The following CLTRN variants were observed in gnomAD, a reference collection of about 807,000 sequenced individuals.
CLTRN encodes collectrin.
Under a neutral mutation model 14.5 loss-of-function variants are expected in CLTRN, and 12 were observed. That is an observed-to-expected ratio of 0.83 (90% CI 0.53 to 1.34). CLTRN has a LOEUF of 1.34. Ranked by LOEUF, CLTRN falls within the 40% of genes most tolerant of loss-of-function variation. The pLI, the probability that CLTRN is intolerant of heterozygous loss-of-function variation, is 0.00. For synonymous variants in CLTRN, 58 were observed against 56.5 expected, an observed-to-expected ratio of 1.03 and a Z score of -0.12; for missense variants, 154 against 165.1, an observed-to-expected ratio of 0.93 and a Z score of 0.37.
rs1315575777 is a variant in CLTRN at position 15,627,487 on chromosome X, T to C, written c.*484A>G. 1.8e-5 allele frequency: 2 copies of C among 112,454 alleles called. No individual in the cohort carries two copies. The highest frequency in any genetic ancestry group is 6.5e-5 in the African/African-American group (2 of 30,885). 9.3% of individuals were successfully genotyped at this position (112,454 alleles called of 1,213,427 possible). On this transcript the variant is annotated 3_prime_UTR_variant, in exon 6 of 6. Coordinates refer to ENST00000380342, the MANE Select transcript of CLTRN (RefSeq NM_020665.6). ...GATAAAATTCCACCCTGTATATGAG[T>C]AATTCCATTTTTATCCATCCATTTA... is the stretch of plus-strand genomic sequence containing the variant.
At chrX:15,651,451 A>G (rs1236848119) in intron 3 of CLTRN, among the ~76,000 whole-genome samples, 1 of 110,631 alleles carries the variant, frequency 9.0e-6, no homozygotes. Flanking sequence ...TCCATGCCCT[A>G]TGTGAGAATA....
chrX:15,630,336 G>C (rs1928660979), intron 5 of CLTRN, among the ~76,000 whole-genome samples: 2 of 106,943 alleles, frequency 1.9e-5, no homozygotes, highest in African/African-American at 6.9e-5. Flanking sequence ...GCCCTAGGTA[G>C]ACCTTGAACG....
chrX:15,668,299 TTACTC>T (rs1362104873), upstream of CLTRN, among the ~76,000 whole-genome samples: 4 of 112,008 alleles, frequency 3.6e-5, no homozygotes, highest in African/African-American at 9.7e-5. Context: ...GTCTTCTTCT[TTACTC>T]TAATAGGAAT....
chrX:15,673,243 A>G (rs1473170681), intron 1 of CLTRN, among the ~76,000 whole-genome samples: 1 of 112,702 alleles, frequency 8.9e-6, no homozygotes, highest in Non-Finnish European at 1.9e-5. Flanking sequence ...AATACTTGTT[A>G]TCTCCTGTTT....
At chrX:15,644,821 G>A in intron 4 of CLTRN, 95 bp downstream of exon 4, 1 of 527,147 alleles carries the variant, frequency 1.9e-6, no homozygotes, top group Non-Finnish European at 3.1e-6. Context: ...ATTCATGTAT[G>A]AAACAGATAA....
chrX:15,637,078 G>A (rs766297087), intron 5 of CLTRN, among the ~76,000 whole-genome samples: 13 of 110,956 alleles, frequency 1.2e-4, no homozygotes, highest in Non-Finnish European at 1.9e-4. Context: ...ATATATATAT[G>A]TGTGTTAGAT....
intron 3 of CLTRN, among the ~76,000 whole-genome samples, chrX:15,649,378 G>A (rs1419607496): frequency 8.9e-6 from 1 of 112,105 alleles, no homozygotes; most frequent in Non-Finnish European, 1.9e-5. Flanking sequence ...TAGAAATAAA[G>A]ATTTCCAAAA....
At chrX:15,655,781 G>GCA (rs1164977527) in intron 3 of CLTRN, among the ~76,000 whole-genome samples, 21 of 111,741 alleles carry the variant, frequency 1.9e-4, no homozygotes, top group Non-Finnish European at 3.6e-4. Flanking sequence ...CAACTTGACG[G>GCA]AGTCCTGAGA....
At chrX:15,672,396 T>C (rs764877594) in intron 1 of CLTRN, among the ~76,000 whole-genome samples, 1 of 110,266 alleles carries the variant, frequency 9.1e-6, no homozygotes, top group East Asian at 2.8e-4. Context: ...ATTGCAGCCA[T>C]GGTCTATGAA....
rs376408365 is a variant in CLTRN at position 15,639,602 on chromosome X, T to C, written c.472A>G (p.Ile158Val). The C allele has an allele frequency of 3.6e-5, 44 of 1,208,750 alleles. No homozygotes were observed. Among genetic ancestry groups the C allele is most frequent in the African/African-American group, 7.0e-5 (4 of 57,101 alleles). ...GVIFCIIIVA[I>V]ALLILSGIWQ... ...ATCCCTGATAAAATCAGTAGTGCAA[T>C]TGCAACTATGATGATGCAAAATATC... Residue 158 changes from isoleucine (I) to valine (V), a missense_variant, in exon 5 of 6, where the codon ATT (isoleucine) becomes GTT (valine). Physicochemically the swap from Ile to Val is conservative, Grantham distance 29. Transcript: ENST00000380342.
chrX:15,655,242 G>T (rs1265215290), intron 3 of CLTRN, among the ~76,000 whole-genome samples: 1 of 112,206 alleles, frequency 8.9e-6, no homozygotes, highest in East Asian at 2.8e-4. Context: ...ATGGGGGCGT[G>T]AGATAGATAA....
At chrX:15,662,737 C>T (rs184479744) in intron 2 of CLTRN, among the ~76,000 whole-genome samples, 52 of 111,629 alleles carry the variant, frequency 4.7e-4, no homozygotes, top group Middle Eastern at 4.6e-3. Flanking sequence ...AGAGCTCTTT[C>T]TAAAATCACC....
intron 3 of CLTRN, among the ~76,000 whole-genome samples, chrX:15,649,988 G>GT (rs1218716681): frequency 2.9e-5 from 3 of 105,253 alleles, no homozygotes; most frequent in East Asian, 5.9e-4. Context: ...TTAGAGCAGG[G>GT]TTTCTCAATA....
At chrX:15,640,709 A>G (rs762151401) in intron 4 of CLTRN, among the ~76,000 whole-genome samples, 19 of 113,097 alleles carry the variant, frequency 1.7e-4, no homozygotes, top group Admixed American at 9.3e-5. Context: ...AGTGGCTTCA[A>G]ATTCACCAAC....
chrX:15,628,056 C>A lies in CLTRN; in HGVS notation c.584G>T (p.Gly195Val). Reference protein sequence around the residue: ...KCENMITIENGIPSDPLDMKG... With the variant: ...KCENMITIENVIPSDPLDMKG... ...CATGTCCAGGGGATCAGAGGGGATG[C>A]CATTTTCAATTGTGATCATGTTTTC... The change falls in exon 6 of 6, where the codon GGC (glycine) becomes GTC (valine). Residue 195 changes from glycine to valine, a missense_variant. Gly to Val is a moderately radical substitution (Grantham distance 109). Transcript: ENST00000380342. 1 of 1,151,293 alleles carries A rather than the reference C, an allele frequency of 8.7e-7. No individual in the cohort carries two copies. The highest frequency in any genetic ancestry group is 1.2e-6 in the Non-Finnish European group (1 of 861,586). The allele number at this position is 1,151,293 out of a possible 1,213,427, so 94.9% of individuals were successfully genotyped here. A position where few individuals can be genotyped will look rare whatever the true frequency, so the allele number is the denominator to read the frequency against.
At chrX:15,650,989 G>C (rs926396219) in intron 3 of CLTRN, among the ~76,000 whole-genome samples, 13 of 111,615 alleles carry the variant, frequency 1.2e-4, no homozygotes, top group African/African-American at 4.2e-4. Context: ...CTCCCCAAGA[G>C]TAAGAAACCG....
intron 3 of CLTRN, among the ~76,000 whole-genome samples, chrX:15,656,475 CG>C (rs199730628): frequency 6.3e-4 from 70 of 110,609 alleles, no homozygotes; most frequent in Non-Finnish European, 3.2e-4. Context: ...CAATGGTGGG[CG>C]GGGGGGAGAC....
chrX:15,630,825 T>C (rs1182237447), intron 5 of CLTRN, among the ~76,000 whole-genome samples: 2 of 111,684 alleles, frequency 1.8e-5, no homozygotes, highest in African/African-American at 6.5e-5. Flanking sequence ...TAGATTTTAA[T>C]GTGATGAGAG....
chrX:15,652,060 T>C (rs1929230438), intron 3 of CLTRN, among the ~76,000 whole-genome samples: 1 of 112,153 alleles, frequency 8.9e-6, no homozygotes, highest in South Asian at 3.7e-4. Context: ...ACATGAAGAA[T>C]GACTGCACAT....
Sources: gnomAD v4.1 joint callset for allele counts (sites outside exome capture counted in the v4.1 genomes callset) on GRCh38, gnomAD v4.1.1 for gene constraint, MANE v1.5 for transcripts, NCBI Gene and HGNC (gene_info 2026-07-23, HGNC 2026-07-21) for gene names.